The following TMEM209 variants were observed in gnomAD, a reference collection of about 807,000 sequenced individuals.
TMEM209 encodes the protein transmembrane protein 209, also known as testicular tissue protein Li 202.
TMEM209 carries 65 observed loss-of-function variants against 76.2 expected under a neutral mutation model. The ratio of observed to expected loss-of-function variants is 0.85; its 90% CI spans 0.70 to 1.05. TMEM209 has a LOEUF of 1.05. TMEM209 is among the 50% of genes least tolerant of loss of function. The pLI is 0.00. For synonymous variants in TMEM209, 239 were observed against 237.6 expected, an observed-to-expected ratio of 1.01 and a Z score of -0.06; for missense variants, 623 against 685.5, an observed-to-expected ratio of 0.91 and a Z score of 1.02.
chr7:130,181,945 C>CTT, intron 8 of TMEM209: 87 of 302,010 alleles, frequency 2.9e-4, no homozygotes, highest in South Asian at 4.3e-4. Context: ...ACTTACATTC[C>CTT]TTTTTTTTTT....
chr7:130,174,734 A>G (rs1463440884), intron 11 of TMEM209, among the ~76,000 whole-genome samples: 1 of 152,228 alleles, frequency 6.6e-6, no homozygotes, highest in African/African-American at 2.4e-5. Flanking sequence ...ATCCCAAGAA[A>G]GAAAGCAATG....
At chr7:130,202,731 C>G in intron 3 of TMEM209, 68 bp from the exon 4 acceptor site, 1 of 1,502,944 alleles carries the variant, frequency 6.7e-7, no homozygotes, top group Non-Finnish European at 8.9e-7. Flanking sequence ...CACAAAAACC[C>G]TCTATACTTA....
chr7:130,195,338 C>T (rs1391476086), intron 5 of TMEM209, among the ~76,000 whole-genome samples: 1 of 152,048 alleles, frequency 6.6e-6, no homozygotes, highest in Non-Finnish European at 1.5e-5. Flanking sequence ...ACTTCTAAAG[C>T]TCAATCTTGG....
intron 13 of TMEM209, among the ~76,000 whole-genome samples, chr7:130,173,017 AAG>A (rs1292234848): frequency 1.7e-4 from 25 of 151,190 alleles, no homozygotes; most frequent in African/African-American, 5.6e-4. Context: ...AAAAAAAAAA[AAG>A]GAATTTTTAT....
chr7:130,167,359 C>A lies in TMEM209; in HGVS notation c.1632-854G>T, dbSNP rs1287198273. ...CAACTGTATTTTCCATTTCTTCATA[C>A]CCTCACTGACACTACAAATAATATC... On this transcript the variant is annotated intron_variant, in intron 14 of 14. Transcript: ENST00000397622. Among the ~76,000 whole-genome samples, 4 of 152,060 alleles carry A rather than the reference C, an allele frequency of 2.6e-5. No homozygotes were observed. In the East Asian group the frequency reaches 5.8e-4, roughly 22 times the overall value.
chr7:130,195,600 T>A (rs745880591), intron 5 of TMEM209, among the ~76,000 whole-genome samples: 5 of 151,118 alleles, frequency 3.3e-5, no homozygotes, highest in South Asian at 2.1e-4. Context: ...AAATTTTACC[T>A]GGTCATCAAT....
rs1797415993 is a variant in TMEM209 at position 130,181,622 on chromosome 7, C to T, written c.1120+1G>A. 1.2e-6 allele frequency: 2 copies of T among 1,610,290 alleles called. No homozygotes were observed. Among genetic ancestry groups the T allele is most frequent in the Non-Finnish European group, 1.7e-6 (2 of 1,178,192 alleles). ...CAACACTGGGCTCTGTTTTCACATA[C>T]CTCCTATCTGTAGCTCTGGACAACC... On this transcript the variant is annotated splice_donor_variant, in intron 9 of 14. Coordinates refer to ENST00000397622, the MANE Select transcript of TMEM209 (RefSeq NM_032842.4). LOFTEE classifies it high-confidence loss of function.
chr7:130,170,316 A>T, intron 14 of TMEM209, 84 bp downstream of exon 14: 1 of 1,137,152 alleles, frequency 8.8e-7, no homozygotes, highest in Non-Finnish European at 1.3e-6. Flanking sequence ...ACCTTCAGTT[A>T]CATGCTGCTG....
chr7:130,195,038 C>T (rs1041583052), intron 5 of TMEM209, among the ~76,000 whole-genome samples: 4 of 151,988 alleles, frequency 2.6e-5, no homozygotes, highest in Non-Finnish European at 4.4e-5. Flanking sequence ...TTTTTGCTTA[C>T]GGGCCATAAT....
At chr7:130,190,283 C>T (rs1797749118) in intron 6 of TMEM209, among the ~76,000 whole-genome samples, 2 of 152,202 alleles carry the variant, frequency 1.3e-5, no homozygotes, top group East Asian at 1.9e-4. Context: ...CTTTGGAGGC[C>T]GAGGCGGGCA....
rs562547856 is a variant in TMEM209, at chr7:130,201,771, G to A, written c.573+79C>T. The A allele has an allele frequency of 3.0e-5, 46 of 1,558,656 alleles. 1 individual carries two copies. In the African/African-American group the frequency reaches 5.0e-4, roughly 17 times the overall value. On this transcript the variant is annotated intron_variant, in intron 5 of 14. Transcript: ENST00000397622. ...CAACTCTCAGTTTGCTCACTGATAA[G>A]TTTTGACTCATTAGATGATTTTTAG... is the stretch of plus-strand genomic sequence containing the variant.
At chr7:130,192,312 A>T (rs948854166) in intron 6 of TMEM209, 5 of 268,328 alleles carry the variant, frequency 1.9e-5, no homozygotes, top group African/African-American at 1.1e-4. Flanking sequence ...CTATAATTTG[A>T]GTAAGTTCAC....
chr7:130,200,243 G>A (rs1437694384), intron 5 of TMEM209, among the ~76,000 whole-genome samples: 7 of 151,942 alleles, frequency 4.6e-5, no homozygotes, highest in African/African-American at 1.2e-4. Context: ...AGTAAAGCAC[G>A]AGAACTTCCT....
chr7:130,200,841 A>C (rs1164939895), intron 5 of TMEM209, among the ~76,000 whole-genome samples: 2 of 152,112 alleles, frequency 1.3e-5, no homozygotes, highest in African/African-American at 4.8e-5. Context: ...GAAATGTGTA[A>C]ATGTTTGGGA....
intron 11 of TMEM209, among the ~76,000 whole-genome samples, chr7:130,174,284 T>C (rs185487901): frequency 1.4e-3 from 214 of 152,270 alleles, no homozygotes; most frequent in African/African-American, 4.8e-3. Flanking sequence ...AAATTTAAAA[T>C]AGAAAAAGAT....
In TMEM209 at chr7:130,173,649, C is replaced by T. The variant is rs1345053544; in HGVS notation, c.1540G>A (p.Val514Ile). 5 of 1,612,832 alleles carry T rather than the reference C, an allele frequency of 3.1e-6. No homozygotes were observed. The highest frequency in any genetic ancestry group is 2.2e-5 in the East Asian group (1 of 44,880). ...PHYELIYQRHVYNLPKGRNNM... is the reference protein window; with the variant it reads ...PHYELIYQRHIYNLPKGRNNM... ...AGAAATACCTTTGGCAGGTTGTATA[C>T]ATGACGCTGGTAGATGAGCTCATAA... The change falls in exon 13 of 15, where the codon GTA (valine) becomes ATA (isoleucine). Residue 514 changes from valine (V) to isoleucine (I), a missense_variant. Coordinates refer to ENST00000397622, the MANE Select transcript of TMEM209 (RefSeq NM_032842.4).
At chr7:130,196,796 C>T (rs938404170) in intron 5 of TMEM209, among the ~76,000 whole-genome samples, 1 of 152,166 alleles carries the variant, frequency 6.6e-6, no homozygotes, top group Non-Finnish European at 1.5e-5. Flanking sequence ...TCTGTCAGGC[C>T]ACAAAGCCTG....
Position 130,178,443 on chromosome 7 carries a change from T to A in TMEM209, c.1205A>T (p.Asp402Val), listed in dbSNP as rs776581507. The A allele has an allele frequency of 6.2e-7, 1 of 1,613,640 alleles. No homozygotes were observed. The highest frequency in any genetic ancestry group is 8.5e-7 in the Non-Finnish European group (1 of 1,179,728). The change falls in exon 10 of 15, where the codon GAC (aspartate) becomes GTC (valine). Residue 402 changes from aspartate (D) to valine (V), a missense_variant. Physicochemically the swap from Asp to Val is radical, Grantham distance 152. Coordinates refer to ENST00000397622, the MANE Select transcript of TMEM209 (RefSeq NM_032842.4). ...CAAGTATTCCTGATTTGGAGTAAGG[T>A]CTAGATACTGAACGATTGTGTTCAA... is the stretch of plus-strand genomic sequence containing the variant. Reference protein sequence around the residue: ...PTLNTIVQYLDLTPNQEYLFE... With the variant: ...PTLNTIVQYLVLTPNQEYLFE...
chr7:130,173,717 T>C lies in TMEM209; in HGVS notation c.1472A>G (p.Glu491Gly). 1 of 1,613,766 alleles carries C rather than the reference T, an allele frequency of 6.2e-7. No homozygotes were observed. Among genetic ancestry groups the C allele is most frequent in the Non-Finnish European group, 8.5e-7 (1 of 1,179,738 alleles). Residue 491 changes from glutamate (E) to glycine (G), a missense_variant, in exon 13 of 15, where the codon GAG (glutamate) becomes GGG (glycine). By Grantham distance (98) the Glu-to-Gly change is moderately conservative. Transcript: ENST00000397622. ...QTPNKPDVTN[E>G]NVFCIYQSAI... ...ACTCTGATAAATGCAAAAAACATTC[T>C]CATTTGTAACATCTGTAAAGGAAGG... is the stretch of plus-strand genomic sequence containing the variant.
Sources: gnomAD v4.1 joint callset for allele counts (sites outside exome capture counted in the v4.1 genomes callset) on GRCh38, gnomAD v4.1.1 for gene constraint, MANE v1.5 for transcripts, NCBI Gene and HGNC (gene_info 2026-07-23, HGNC 2026-07-21) for gene names.